The following CHODL variants were observed in gnomAD, a reference collection of about 807,000 sequenced individuals.
CHODL encodes the protein chondrolectin, also known as transmembrane protein MT75.
Under a neutral mutation model 34.5 loss-of-function variants are expected in CHODL, and 29 were observed. That is an observed-to-expected ratio of 0.84 (90% CI 0.63 to 1.15). The LOEUF (loss-of-function observed/expected upper bound fraction) is 1.15. Among genes scored for constraint, CHODL ranks in the 50% most tolerant of loss-of-function variants. CHODL has a pLI of 0.00. For synonymous variants in CHODL, 125 were observed against 116.1 expected, an observed-to-expected ratio of 1.08 and a Z score of -0.49; for missense variants, 332 against 332.5, an observed-to-expected ratio of 1.00 and a Z score of 0.01.
At chr21:17,990,193 C>T (rs56271411) in intron 1 of CHODL, among the ~76,000 whole-genome samples, 1 of 151,694 alleles carries the variant, frequency 6.6e-6, no homozygotes, top group African/African-American at 2.4e-5. Flanking sequence ...AATATAAAAA[C>T]ATTATAATAT....
intron 2 of CHODL, among the ~76,000 whole-genome samples, chr21:18,136,121 A>AAAAAAAAG (rs1568904672): frequency 1.4e-5 from 2 of 138,144 alleles, no homozygotes; most frequent in African/African-American, 5.4e-5. Flanking sequence ...AAAAAAAAGA[A>AAAAAAAAG]AAAGAAAAAA....
At chr21:18,188,174 T>C (rs2073465964) in intron 2 of CHODL, among the ~76,000 whole-genome samples, 1 of 152,168 alleles carries the variant, frequency 6.6e-6, no homozygotes, top group Admixed American at 6.5e-5. Flanking sequence ...TAAACTTTCT[T>C]ATTGGCTACC....
At chr21:18,179,805 C>T (rs752486054) in intron 2 of CHODL, among the ~76,000 whole-genome samples, 4 of 152,088 alleles carry the variant, frequency 2.6e-5, no homozygotes, top group Non-Finnish European at 4.4e-5. Flanking sequence ...TTTTTGTCAA[C>T]GTACCTGTCT....
intron 1 of CHODL, among the ~76,000 whole-genome samples, chr21:17,958,287 A>G (rs1448891600): frequency 6.6e-6 from 1 of 151,906 alleles, no homozygotes; most frequent in African/African-American, 2.4e-5. Context: ...ATTATATTTT[A>G]TGTTTTTTGC....
intron 2 of CHODL, among the ~76,000 whole-genome samples, chr21:18,059,565 G>T (rs974798315): frequency 6.6e-6 from 1 of 150,922 alleles, no homozygotes; most frequent in Non-Finnish European, 1.5e-5. Context: ...TTTGTTACAT[G>T]GGTAAACGTG....
At chr21:18,217,366 C>T (rs919157669) in intron 2 of CHODL, among the ~76,000 whole-genome samples, 46 of 152,140 alleles carry the variant, frequency 3.0e-4, no homozygotes, top group African/African-American at 9.9e-4. Context: ...GGGAACCAAA[C>T]AGATCCTTAC....
chr21:18,078,708 T>G (rs1368631306), intron 2 of CHODL, among the ~76,000 whole-genome samples: 1 of 152,220 alleles, frequency 6.6e-6, no homozygotes, highest in Non-Finnish European at 1.5e-5. Flanking sequence ...ATTTCCACTC[T>G]TCTTTACTAC....
intron 1 of CHODL, among the ~76,000 whole-genome samples, chr21:17,931,426 A>C (rs75834006): frequency 0.032 from 4,872 of 152,306 alleles, 247 homozygotes; most frequent in African/African-American, 0.11. Flanking sequence ...GAAAGTAAAT[A>C]AAAAACAAGA....
chr21:17,941,474 C>G (rs926589735), intron 1 of CHODL, among the ~76,000 whole-genome samples: 8 of 130,142 alleles, frequency 6.1e-5, no homozygotes, highest in African/African-American at 2.3e-4. Flanking sequence ...TCTGAATGTT[C>G]AAGTACAACC....
At chr21:18,265,249 GTATATATATGTGTA>G (rs1400893092) in intron 5 of CHODL, among the ~76,000 whole-genome samples, 1,739 of 141,388 alleles carry the variant, frequency 0.012, 43 homozygotes, top group African/African-American at 0.041. Context: ...ATATATATGT[GTATATATATGTGTA>G]TATATATATG....
intron 2 of CHODL, among the ~76,000 whole-genome samples, chr21:18,184,487 G>C (rs2073417187): frequency 6.6e-6 from 1 of 152,168 alleles, no homozygotes; most frequent in Non-Finnish European, 1.5e-5. Flanking sequence ...TTCAGTTTTA[G>C]AGAGTCTGAA....
intron 4 of CHODL, among the ~76,000 whole-genome samples, chr21:18,261,558 T>C (rs574061342): frequency 2.3e-4 from 35 of 151,894 alleles, no homozygotes; most frequent in Non-Finnish European, 3.5e-4. Context: ...TTCCAGCTAT[T>C]TGGGAGGCTG....
intron 1 of CHODL, among the ~76,000 whole-genome samples, chr21:18,254,178 C>T (rs2074289505): frequency 6.6e-6 from 1 of 151,698 alleles, no homozygotes; most frequent in Non-Finnish European, 1.5e-5. Context: ...CTCCCCCACC[C>T]CCAGAAATCC....
At chr21:17,987,540 A>G (rs897498335) in intron 1 of CHODL, among the ~76,000 whole-genome samples, 5 of 152,196 alleles carry the variant, frequency 3.3e-5, no homozygotes, top group Admixed American at 6.5e-5. Flanking sequence ...GAAGCAATCA[A>G]TTGGATAAGT....
intron 1 of CHODL, among the ~76,000 whole-genome samples, chr21:18,246,447 T>G (rs187593393): frequency 6.6e-6 from 1 of 152,304 alleles, no homozygotes; most frequent in East Asian, 1.9e-4. Context: ...GTCACTGATC[T>G]TCCCCTTAGC....
chr21:17,959,020 C>T (rs1005994051), intron 1 of CHODL, among the ~76,000 whole-genome samples: 1 of 152,028 alleles, frequency 6.6e-6, no homozygotes, highest in African/African-American at 2.4e-5. Context: ...AAAGACAAAA[C>T]TACACAAGTT....
At position 17,940,887 on chromosome 21, in the gene CHODL, T is replaced by A. The variant is rs376540182; in HGVS notation, c.-145+23487T>A. Among the ~76,000 whole-genome samples the A allele has an allele frequency of 5.3e-5, 8 of 152,196 alleles. No individual in the cohort carries two copies. The East Asian group carries it at 1.3e-3, about 26-fold the overall frequency. On this transcript the variant is annotated intron_variant, in intron 1 of 6. Coordinates refer to the CHODL transcript ENST00000400127. ...TGGTCGTATCTGTAAACTTCTCTCT[T>A]ACATACCATTTCGATAAACCATCTG...
At chr21:18,240,016 A>T (rs2074066566), upstream of CHODL, among the ~76,000 whole-genome samples, 1 of 152,062 alleles carries the variant, frequency 6.6e-6, no homozygotes, top group African/African-American at 2.4e-5. Flanking sequence ...AATAAATTGT[A>T]AAGCTGAAAA....
chr21:18,142,249 G>T (rs779589464), intron 2 of CHODL, among the ~76,000 whole-genome samples: 24 of 152,128 alleles, frequency 1.6e-4, no homozygotes, highest in Admixed American at 3.3e-4. Flanking sequence ...GAGGGACTCA[G>T]CTCATTCATG....
Sources: gnomAD v4.1 joint callset for allele counts (sites outside exome capture counted in the v4.1 genomes callset) on GRCh38, gnomAD v4.1.1 for gene constraint, MANE v1.5 for transcripts, NCBI Gene and HGNC (gene_info 2026-07-23, HGNC 2026-07-21) for gene names.